NRG4: variants seen among roughly 807,000 people sequenced by gnomAD.
NRG4 encodes neuregulin 4.
Under a neutral mutation model 15.0 loss-of-function variants are expected in NRG4, and 10 were observed. The observed-to-expected ratio is 0.67, with a 90% CI of 0.41 to 1.13. NRG4 has a LOEUF of 1.13. Among genes scored for constraint, NRG4 ranks in the 50% most tolerant of loss-of-function variants. The probability of loss-of-function intolerance (pLI) is 0.00; values close to 1 mark genes in which losing one functional copy is unlikely to be tolerated. For synonymous variants in NRG4, 41 were observed against 50.1 expected, an observed-to-expected ratio of 0.82 and a Z score of 0.77; for missense variants, 139 against 140.2, an observed-to-expected ratio of 0.99 and a Z score of 0.04.
intron 5 of NRG4, among the ~76,000 whole-genome samples, chr15:76,028,703 C>G (rs2035382490): frequency 6.6e-6 from 1 of 151,694 alleles, no homozygotes; most frequent in South Asian, 2.1e-4. Flanking sequence ...AGTTTGAGAC[C>G]AGCCTGGCCA....
At chr15:75,974,374 G>C (rs1266336415) in intron 3 of NRG4, among the ~76,000 whole-genome samples, 3 of 152,014 alleles carry the variant, frequency 2.0e-5, no homozygotes, top group Non-Finnish European at 4.4e-5. Context: ...TTTCTGTTCT[G>C]CTCTGATCTT....
chr15:76,043,335 G>T (rs2141956118), intron 4 of NRG4, among the ~76,000 whole-genome samples: 1 of 152,258 alleles, frequency 6.6e-6, no homozygotes, highest in Non-Finnish European at 1.5e-5. Context: ...AGGGCATTCA[G>T]ATTGGAAAGG....
At chr15:76,029,010 C>G (rs1446057970) in intron 5 of NRG4, among the ~76,000 whole-genome samples, 2 of 150,850 alleles carry the variant, frequency 1.3e-5, no homozygotes, top group Non-Finnish European at 2.9e-5. Context: ...AGAGAAACTA[C>G]AGGATAAATC....
chr15:76,030,937 G>A (rs1017125540), intron 5 of NRG4, among the ~76,000 whole-genome samples: 3 of 151,902 alleles, frequency 2.0e-5, no homozygotes, highest in Non-Finnish European at 4.4e-5. Flanking sequence ...TTAAAGAAAA[G>A]AAAATTACTA....
intron 4 of NRG4, among the ~76,000 whole-genome samples, chr15:75,959,434 A>G (rs2032408105): frequency 6.6e-6 from 1 of 151,884 alleles, no homozygotes; most frequent in African/African-American, 2.4e-5. Context: ...AGCTGGATAT[A>G]TTATATGTCT....
chr15:76,004,020 T>C (rs2034505911), intron 3 of NRG4, among the ~76,000 whole-genome samples: 2 of 152,196 alleles, frequency 1.3e-5, no homozygotes, highest in African/African-American at 2.4e-5. Context: ...AAATAGTTTG[T>C]AACCCCATTT....
At chr15:76,034,086 C>T (rs1475907872) in intron 5 of NRG4, among the ~76,000 whole-genome samples, 3 of 152,174 alleles carry the variant, frequency 2.0e-5, no homozygotes, top group Non-Finnish European at 4.4e-5. Flanking sequence ...CTGTCTCATC[C>T]AATTACTGCA....
downstream of NRG4, chr15:75,937,508 CAA>C (rs58256641): frequency 1.1e-4 from 9 of 83,226 alleles, no homozygotes; most frequent in African/African-American, 2.1e-4. Context: ...GACTCTGTCT[CAA>C]AAAAAAAAAA....
At chr15:75,966,017 A>G (rs571475434) in intron 3 of NRG4, among the ~76,000 whole-genome samples, 1 of 152,224 alleles carries the variant, frequency 6.6e-6, no homozygotes, top group South Asian at 2.1e-4. Context: ...CCTGGAATTG[A>G]AGATGGATGC....
chr15:75,987,151 A>G (rs1256553596), intron 3 of NRG4, among the ~76,000 whole-genome samples: 1 of 152,294 alleles, frequency 6.6e-6, no homozygotes, highest in East Asian at 1.9e-4. Flanking sequence ...TCCCCAGGAA[A>G]GAAGTATATT....
At chr15:76,028,099 G>A (rs962250537) in intron 5 of NRG4, among the ~76,000 whole-genome samples, 3 of 151,700 alleles carry the variant, frequency 2.0e-5, no homozygotes, top group Non-Finnish European at 4.4e-5. Flanking sequence ...ATTTAATGAT[G>A]CATCTCAAGG....
At chr15:75,998,605 T>C (rs113402326) in intron 3 of NRG4, among the ~76,000 whole-genome samples, 3 of 152,322 alleles carry the variant, frequency 2.0e-5, no homozygotes, top group African/African-American at 7.2e-5. Flanking sequence ...TAAGGTTTTA[T>C]AGGCCACTGG....
At chr15:75,983,651 A>C (rs1189509809) in intron 3 of NRG4, among the ~76,000 whole-genome samples, 1 of 152,156 alleles carries the variant, frequency 6.6e-6, no homozygotes, top group Non-Finnish European at 1.5e-5. Flanking sequence ...ATAACTCAAT[A>C]AGATAGCAGG....
chr15:75,963,704 G>C (rs2032645712), intron 3 of NRG4, among the ~76,000 whole-genome samples: 1 of 151,680 alleles, frequency 6.6e-6, no homozygotes, highest in Admixed American at 6.6e-5. Flanking sequence ...CTTGAACCTG[G>C]GAGGCGGAGG....
chr15:76,005,453 A>T (rs1360662510), intron 3 of NRG4, among the ~76,000 whole-genome samples: 1 of 147,840 alleles, frequency 6.8e-6, no homozygotes, highest in African/African-American at 2.5e-5. Context: ...GGGAAGCCCG[A>T]GGTGGGTGGA....
chr15:76,058,385 T>C (rs1275272359), intron 1 of NRG4, among the ~76,000 whole-genome samples: 2 of 152,194 alleles, frequency 1.3e-5, no homozygotes, highest in African/African-American at 4.8e-5. Flanking sequence ...TAGGAAATGC[T>C]GAAAGGCGAA....
chr15:76,051,159 CTA>C, intron 4 of NRG4, among the ~76,000 whole-genome samples: 1 of 148,618 alleles, frequency 6.7e-6, no homozygotes, highest in Non-Finnish European at 1.5e-5. Context: ...GCGCCCGCCA[CTA>C]CGCCCGGCTA....
chr15:75,951,173 T>TTC (rs2031877105), intron 5 of NRG4: 1 of 135,566 alleles, frequency 7.4e-6, no homozygotes, highest in Non-Finnish European at 1.6e-5. Context: ...CTTTTTTTTT[T>TTC]TTTTTTTTTT....
At position 76,026,318 on chromosome 15, in the gene NRG4, G is replaced by A. The variant is rs141851559; in HGVS notation, c.-57+9626C>T. ...AGAAAAGAATTAAGTCACATATGAG[G>A]GAATTCCCATTAGTTTGAGTGGATT... On this transcript the variant is annotated intron_variant, in intron 5 of 8. Transcript: ENST00000563910. Among the ~76,000 whole-genome samples the A allele has an allele frequency of 2.1e-3, 326 of 152,170 alleles. 1 individual carries two copies. Among genetic ancestry groups the A allele is most frequent in the Non-Finnish European group, 3.7e-3 (251 of 68,010 alleles).
Sources: allele counts gnomAD v4.1 joint callset (sites outside exome capture counted in the v4.1 genomes callset), GRCh38; gene constraint gnomAD v4.1.1; transcripts MANE v1.5; gene names NCBI Gene and HGNC (gene_info 2026-07-23, HGNC 2026-07-21).